The following SH3GL3 variants were observed in gnomAD, a reference collection of about 807,000 sequenced individuals.
The protein encoded by SH3GL3 is SH3 domain containing GRB2 like 3, endophilin A3, also known as endophilin-A3.
Under a neutral mutation model 47.7 loss-of-function variants are expected in SH3GL3, and 33 were observed. That is an observed-to-expected ratio of 0.69 (90% CI 0.52 to 0.92). SH3GL3 has a LOEUF of 0.92. Among genes scored for constraint, SH3GL3 ranks in the 40% least tolerant of loss-of-function variants. The pLI is 0.00. For synonymous variants in SH3GL3, 155 were observed against 148.8 expected (o/e 1.04, Z -0.30); for missense variants, 363 against 417.8 (o/e 0.87, Z 1.14).
At chr15:83,457,668 AT>A (rs758425379) in intron 1 of SH3GL3, among the ~76,000 whole-genome samples, 14 of 152,068 alleles carry the variant, frequency 9.2e-5, no homozygotes, top group Non-Finnish European at 1.9e-4. Flanking sequence ...ATAATGATTT[AT>A]TTTTTTCTCT....
chr15:83,540,560 A>G (rs973703160), intron 1 of SH3GL3, among the ~76,000 whole-genome samples: 12 of 152,204 alleles, frequency 7.9e-5, no homozygotes, highest in Admixed American at 2.0e-4. Flanking sequence ...ATAAAAGTCT[A>G]TTTTGTAGGA....
intron 1 of SH3GL3, among the ~76,000 whole-genome samples, chr15:83,458,260 CA>C (rs2040095896): frequency 6.6e-6 from 1 of 152,140 alleles, no homozygotes; most frequent in Non-Finnish European, 1.5e-5. Context: ...ATCAGGGAGG[CA>C]TTGTTTCCAG....
chr15:83,512,146 T>C (rs1036414085), intron 1 of SH3GL3, among the ~76,000 whole-genome samples: 8 of 152,026 alleles, frequency 5.3e-5, no homozygotes, highest in Non-Finnish European at 5.9e-5. Flanking sequence ...CTTGACCCCA[T>C]CCCTGCTTCT....
chr15:83,505,523 CTTTTT>C (rs35112953), intron 1 of SH3GL3, among the ~76,000 whole-genome samples: 1 of 92,034 alleles, frequency 1.1e-5, no homozygotes, highest in Admixed American at 1.3e-4. Context: ...CTTGAATTTC[CTTTTT>C]TTTTTTTTTT....
chr15:83,507,140 G>A (rs575973372), intron 1 of SH3GL3, among the ~76,000 whole-genome samples: 2 of 151,568 alleles, frequency 1.3e-5, no homozygotes, highest in Admixed American at 1.3e-4. Flanking sequence ...CAAGTAGCTG[G>A]GACTACAGGC....
chr15:83,623,239 G>C (rs1408474826), downstream of SH3GL3, among the ~76,000 whole-genome samples: 1 of 152,188 alleles, frequency 6.6e-6, no homozygotes, highest in Non-Finnish European at 1.5e-5. Context: ...ACATAATGCT[G>C]TGTAAAAGCC....
chr15:83,474,961 G>A (rs1386606105), intron 1 of SH3GL3, among the ~76,000 whole-genome samples: 2 of 151,954 alleles, frequency 1.3e-5, no homozygotes, highest in Non-Finnish European at 2.9e-5. Context: ...GAGGTGGAGG[G>A]AGTGCTTTGC....
intron 1 of SH3GL3, among the ~76,000 whole-genome samples, chr15:83,518,286 C>T (rs924136373): frequency 6.6e-6 from 1 of 152,130 alleles, no homozygotes; most frequent in South Asian, 2.1e-4. Context: ...ATGGTAGTTT[C>T]GTTTTAAGTT....
chr15:83,560,624 A>G (rs2045218168), intron 2 of SH3GL3, among the ~76,000 whole-genome samples: 1 of 152,088 alleles, frequency 6.6e-6, no homozygotes, highest in African/African-American at 2.4e-5. Flanking sequence ...ACCTCCAAAA[A>G]CCCCAGTGAG....
chr15:83,514,958 G>A (rs1036347588), intron 1 of SH3GL3, among the ~76,000 whole-genome samples: 3 of 152,056 alleles, frequency 2.0e-5, no homozygotes, highest in Non-Finnish European at 4.4e-5. Context: ...GGAGTGATGT[G>A]AAGGAGAGAT....
At chr15:83,475,810 T>C (rs2041070440) in intron 1 of SH3GL3, among the ~76,000 whole-genome samples, 1 of 152,224 alleles carries the variant, frequency 6.6e-6, no homozygotes, top group South Asian at 2.1e-4. Flanking sequence ...GTTGGGATGT[T>C]GCACCAAAAT....
chr15:83,506,358 C>T (rs867077237), intron 1 of SH3GL3, among the ~76,000 whole-genome samples: 2 of 152,040 alleles, frequency 1.3e-5, no homozygotes, highest in Non-Finnish European at 2.9e-5. Flanking sequence ...AAATGCTACC[C>T]GTATTATGAA....
intron 1 of SH3GL3, among the ~76,000 whole-genome samples, chr15:83,481,192 T>C (rs1293874509): frequency 2.6e-5 from 4 of 151,108 alleles, no homozygotes; most frequent in Admixed American, 2.6e-4. Context: ...GGAGAATCGC[T>C]TGAACCCGGG....
the SH3GL3 span, among the ~76,000 whole-genome samples, chr15:83,624,096 A>C: frequency 6.6e-6 from 1 of 152,156 alleles, no homozygotes; most frequent in Non-Finnish European, 1.5e-5. Context: ...CACATCTTCC[A>C]AATCTACATA....
At chr15:83,584,755 C>T (rs1480872280) in intron 6 of SH3GL3, among the ~76,000 whole-genome samples, 1 of 152,196 alleles carries the variant, frequency 6.6e-6, no homozygotes, top group Non-Finnish European at 1.5e-5. Context: ...ACACTTTGCT[C>T]TCAAGATGGC....
At chr15:83,481,604 C>T (rs2041360975) in intron 1 of SH3GL3, among the ~76,000 whole-genome samples, 1 of 152,166 alleles carries the variant, frequency 6.6e-6, no homozygotes, top group Non-Finnish European at 1.5e-5. Flanking sequence ...GGAAACAATG[C>T]AATCTTTAAT....
In SH3GL3 at chr15:83,576,921, A is replaced by ATTTTT. The variant is rs71156087; in HGVS notation, c.624+190_624+194dup. ...TGATGAGCTTAAAAAAAAAATCATA[A>ATTTTT]TTTTTTTTTTTTTTGAGACGCTGTC... On this transcript the variant is annotated intron_variant, in intron 6 of 8. Transcript: ENST00000427482. Among the ~76,000 whole-genome samples the ATTTTT allele has an allele frequency of 8.9e-4, 77 of 86,556 alleles. 3 individuals are homozygous for ATTTTT. Among genetic ancestry groups the ATTTTT allele is most frequent in the African/African-American group, 3.3e-3 (68 of 20,784 alleles). The allele number at this position is 86,556 out of a possible 152,430, so 56.8% of individuals were successfully genotyped here. A position where few individuals can be genotyped will look rare whatever the true frequency, so the allele number is the denominator to read the frequency against.
intron 1 of SH3GL3, among the ~76,000 whole-genome samples, chr15:83,498,834 G>A (rs2042180054): frequency 6.6e-6 from 1 of 152,162 alleles, no homozygotes; most frequent in South Asian, 2.1e-4. Context: ...CTGCTTCCAT[G>A]TTGTCAAGCC....
chr15:83,524,858 G>T (rs1387845584), intron 1 of SH3GL3, among the ~76,000 whole-genome samples: 1 of 151,938 alleles, frequency 6.6e-6, no homozygotes, highest in African/African-American at 2.4e-5. Flanking sequence ...CTTTTTTATG[G>T]TTGAATAGTA....
Sources: allele counts gnomAD v4.1 joint callset (sites outside exome capture counted in the v4.1 genomes callset), GRCh38; gene constraint gnomAD v4.1.1; transcripts MANE v1.5; gene names NCBI Gene and HGNC (gene_info 2026-07-23, HGNC 2026-07-21).